PRKCB: variants seen among roughly 807,000 people sequenced by gnomAD.
The protein encoded by PRKCB is protein kinase C beta, also known as protein kinase C beta type.
A neutral mutation model predicts 81.5 loss-of-function variants in PRKCB; 13 were observed. The ratio of observed to expected loss-of-function variants is 0.16; its 90% CI spans 0.10 to 0.25. The LOEUF is 0.25. Among genes scored for constraint, PRKCB ranks in the 10% least tolerant of loss-of-function variants. The probability of loss-of-function intolerance (pLI) is 1.00; values close to 1 mark genes in which losing one functional copy is unlikely to be tolerated. For missense variants in PRKCB, 509 were observed against 875.7 expected (o/e 0.58, Z 5.29); for synonymous variants, 335 against 321.4 (o/e 1.04, Z -0.45).
At chr16:23,889,348 CAG>C (rs1392668167) in intron 2 of PRKCB, among the ~76,000 whole-genome samples, 1 of 152,238 alleles carries the variant, frequency 6.6e-6, no homozygotes, top group Non-Finnish European at 1.5e-5. Flanking sequence ...AAATTAATAA[CAG>C]AGCCTACCTT....
chr16:23,918,544 A>T (rs1378705693), intron 2 of PRKCB, among the ~76,000 whole-genome samples: 1 of 152,024 alleles, frequency 6.6e-6, no homozygotes, highest in African/African-American at 2.4e-5. Context: ...CTACAGGCAC[A>T]CACCACCAGG....
chr16:24,078,009 T>A (rs1317700055), intron 5 of PRKCB, among the ~76,000 whole-genome samples: 2 of 152,192 alleles, frequency 1.3e-5, no homozygotes, highest in African/African-American at 4.8e-5. Context: ...CTTCTGAAAA[T>A]TAAACCCATC....
At chr16:24,140,656 A>G (rs1447162269) in intron 9 of PRKCB, among the ~76,000 whole-genome samples, 1 of 152,150 alleles carries the variant, frequency 6.6e-6, no homozygotes, top group Admixed American at 6.5e-5. Context: ...GGGGCTGTCC[A>G]GTAGTCAGAA....
intron 2 of PRKCB, among the ~76,000 whole-genome samples, chr16:23,881,128 C>T (rs1349637074): frequency 1.3e-5 from 2 of 152,178 alleles, no homozygotes; most frequent in African/African-American, 4.8e-5. Flanking sequence ...CTCTCCTCTT[C>T]ACTCTGTGAT....
chr16:23,850,523 G>A (rs1452554320), intron 2 of PRKCB, among the ~76,000 whole-genome samples: 1 of 152,006 alleles, frequency 6.6e-6, no homozygotes, highest in Non-Finnish European at 1.5e-5. Context: ...GCACCACCAC[G>A]CCTGGCTAAT....
chr16:24,109,169 A>C (rs1241372883), intron 7 of PRKCB, among the ~76,000 whole-genome samples: 17 of 109,034 alleles, frequency 1.6e-4, no homozygotes, highest in African/African-American at 6.2e-4. Context: ...TGACCCCCCC[A>C]CCTCCCTCCC....
chr16:24,018,997 T>C (rs1482012116), intron 3 of PRKCB, among the ~76,000 whole-genome samples: 1 of 152,192 alleles, frequency 6.6e-6, no homozygotes, highest in Non-Finnish European at 1.5e-5. Context: ...GCAGTACTGA[T>C]GTGTTACTCA....
At chr16:24,040,654 G>A (rs1367204455) in intron 5 of PRKCB, among the ~76,000 whole-genome samples, 1 of 152,198 alleles carries the variant, frequency 6.6e-6, no homozygotes, top group African/African-American at 2.4e-5. Flanking sequence ...ATGTATGAAT[G>A]AGAAACCCCT....
chr16:23,872,147 T>C (rs1962915910), intron 2 of PRKCB, among the ~76,000 whole-genome samples: 2 of 152,194 alleles, frequency 1.3e-5, no homozygotes, highest in South Asian at 2.1e-4. Context: ...AAATGGTCTC[T>C]TGCTGGCCAA....
intron 5 of PRKCB, among the ~76,000 whole-genome samples, chr16:24,080,038 T>C (rs1966229463): frequency 6.6e-6 from 1 of 152,210 alleles, no homozygotes; most frequent in African/African-American, 2.4e-5. Flanking sequence ...TAATAGATTT[T>C]CTAAAATTAT....
At chr16:23,968,848 A>G (rs1964521721) in intron 2 of PRKCB, among the ~76,000 whole-genome samples, 2 of 152,192 alleles carry the variant, frequency 1.3e-5, no homozygotes. Context: ...GTACTCATAA[A>G]TGCTGAGATT....
At chr16:24,088,895 G>A (rs1357952312) in intron 5 of PRKCB, among the ~76,000 whole-genome samples, 3 of 152,112 alleles carry the variant, frequency 2.0e-5, no homozygotes, top group African/African-American at 4.8e-5. Flanking sequence ...AGACTGGGGC[G>A]GAGGAGGGGG....
chr16:24,147,624 A>G (rs1437105245), intron 9 of PRKCB, among the ~76,000 whole-genome samples: 1 of 152,194 alleles, frequency 6.6e-6, no homozygotes, highest in Non-Finnish European at 1.5e-5. Context: ...CAGGATCTAA[A>G]ACTGAATTTA....
At chr16:24,168,005 C>T (rs1395081814) in intron 10 of PRKCB, among the ~76,000 whole-genome samples, 3 of 152,194 alleles carry the variant, frequency 2.0e-5, no homozygotes, top group Non-Finnish European at 4.4e-5. Flanking sequence ...AGCTTAATTT[C>T]ATTATTGTTG....
chr16:24,044,387 T>A (rs1965740726), intron 5 of PRKCB, among the ~76,000 whole-genome samples: 1 of 152,054 alleles, frequency 6.6e-6, no homozygotes, highest in Admixed American at 6.6e-5. Context: ...AAAGACTGAA[T>A]TAAAATGAGA....
At chr16:23,849,460 G>T (rs1457635890) in intron 2 of PRKCB, among the ~76,000 whole-genome samples, 1 of 152,136 alleles carries the variant, frequency 6.6e-6, no homozygotes, top group African/African-American at 2.4e-5. Flanking sequence ...TTAGAGTTTA[G>T]TGAGTGCTGC....
chr16:23,995,108 G>A (rs1334384292), intron 3 of PRKCB, among the ~76,000 whole-genome samples: 1 of 152,170 alleles, frequency 6.6e-6, no homozygotes, highest in African/African-American at 2.4e-5. Context: ...GGCATGTTAA[G>A]ATACCCCTTT....
At chr16:24,207,084 T>G (rs1968057785) in intron 16 of PRKCB, among the ~76,000 whole-genome samples, 1 of 152,198 alleles carries the variant, frequency 6.6e-6, no homozygotes, top group South Asian at 2.1e-4. Flanking sequence ...GCATGTGGCG[T>G]CATGCCCTGA....
intron 2 of PRKCB, among the ~76,000 whole-genome samples, chr16:23,892,478 T>C (rs1963310370): frequency 6.6e-6 from 1 of 152,234 alleles, no homozygotes; most frequent in Non-Finnish European, 1.5e-5. Context: ...GGGATGAGCC[T>C]GCTATTTCCA....
Sources: gnomAD v4.1 joint callset for allele counts (sites outside exome capture counted in the v4.1 genomes callset) on GRCh38, gnomAD v4.1.1 for gene constraint, MANE v1.5 for transcripts, NCBI Gene and HGNC (gene_info 2026-07-23, HGNC 2026-07-21) for gene names.